The following SLC9A6 variants were observed in gnomAD, a reference collection of about 807,000 sequenced individuals.
The protein encoded by SLC9A6 is sodium/hydrogen exchanger 6.
SLC9A6 carries 6 observed loss-of-function variants against 45.3 expected under a neutral mutation model. That is an observed-to-expected ratio of 0.13 (90% CI 0.07 to 0.26). The LOEUF is 0.26. SLC9A6 is among the 10% of genes least tolerant of loss of function. SLC9A6 has a pLI of 1.00. For synonymous variants in SLC9A6, 191 were observed against 187.7 expected (o/e 1.02, Z -0.14); for missense variants, 278 against 503.7 (o/e 0.55, Z 4.29).
chrX:135,999,008 A>G (rs782685919), intron 6 of SLC9A6, 40 bp downstream of exon 6: 131 of 860,173 alleles, frequency 1.5e-4, no homozygotes, highest in Non-Finnish European at 2.1e-4. Context: ...CTTGAGGTGC[A>G]TTGTTTTGCA....
rs782759328 is a variant in SLC9A6 at position 136,044,375 on chromosome X, A to C, written c.1768-77A>C. 285 of 896,838 alleles carry C rather than the reference A, an allele frequency of 3.2e-4. No homozygotes were observed. In the African/African-American group the frequency reaches 5.2e-3, roughly 16 times the overall value. The allele number at this position is 896,838 out of a possible 1,213,427, so 73.9% of individuals were successfully genotyped here. ...TACCACTTAAGGGTTTTAATGGGGG[A>C]TCCTCGAAAATACTCCTATTGGAAA... On this transcript the variant is annotated intron_variant, in intron 17 of 17. Transcript: ENST00000630721.
chrX:135,997,253 G>A (rs1171455077), intron 3 of SLC9A6, among the ~76,000 whole-genome samples: 2 of 108,523 alleles, frequency 1.8e-5, no homozygotes, highest in East Asian at 2.9e-4. Context: ...ATGGGGTTTT[G>A]CCATGTCGGT....
rs782192196 is a variant in SLC9A6 at position 135,994,961 on chromosome X, T to C, written c.345T>C (p.Val115=). 8.4e-7 allele frequency: 1 copy of C among 1,194,750 alleles called. No homozygotes were observed. Among genetic ancestry groups the C allele is most frequent in the East Asian group, 3.0e-5 (1 of 33,758 alleles). The change falls in exon 3 of 18, where the codon GTT becomes GTC. Residue 115 remains valine (V), a synonymous_variant. Coordinates refer to ENST00000630721, the MANE Select transcript of SLC9A6 (RefSeq NM_001379110.1). Reference sequence around the variant, plus strand: ...TTAGTTCACATGAACTCAATAATGTTCAAGATAATGAAATGCTTAGAAAGG... The same window carrying C: ...TTAGTTCACATGAACTCAATAATGTCCAAGATAATGAAATGCTTAGAAAGG... ...GEISSHELNN[V]QDNEMLRKVT...
At chrX:135,987,275 A>G (rs1556615083) in intron 2 of SLC9A6, among the ~76,000 whole-genome samples, 1 of 112,302 alleles carries the variant, frequency 8.9e-6, no homozygotes, top group Non-Finnish European at 1.9e-5. Context: ...ATATATTTCT[A>G]TATAATTTTC....
intron 2 of SLC9A6, among the ~76,000 whole-genome samples, chrX:135,992,593 G>A (rs2089449645): frequency 8.9e-6 from 1 of 111,745 alleles, no homozygotes; most frequent in Non-Finnish European, 1.9e-5. Flanking sequence ...GGGCTGTGTT[G>A]TCTCCATCCT....
chrX:136,036,604 C>T (rs1335638638), intron 16 of SLC9A6, among the ~76,000 whole-genome samples: 1 of 112,705 alleles, frequency 8.9e-6, no homozygotes, highest in Non-Finnish European at 1.9e-5. Context: ...GCCCCAACCT[C>T]CTGGGCTCAG....
At chrX:136,025,787 G>C (rs1409621905) in intron 13 of SLC9A6, among the ~76,000 whole-genome samples, 2 of 111,611 alleles carry the variant, frequency 1.8e-5, no homozygotes, top group Non-Finnish European at 3.8e-5. Flanking sequence ...TTAAATGGCA[G>C]GCAGAGGAGC....
At chrX:136,043,767 T>C (rs1003150447) in intron 17 of SLC9A6, among the ~76,000 whole-genome samples, 2 of 112,584 alleles carry the variant, frequency 1.8e-5, no homozygotes, top group Admixed American at 1.9e-4. Context: ...CCTGATTCTT[T>C]TCCCTTTTGT....
At chrX:135,974,084 G>A (rs2089241431), upstream of SLC9A6, 1 of 141,525 alleles carries the variant, frequency 7.1e-6, no homozygotes, top group South Asian at 5.6e-5. Flanking sequence ...GGCGAGGGGC[G>A]GGGTAGGCAG....
intron 3 of SLC9A6, among the ~76,000 whole-genome samples, chrX:135,996,944 T>C (rs1556616611): frequency 9.1e-6 from 1 of 110,457 alleles, no homozygotes; most frequent in Non-Finnish European, 1.9e-5. Flanking sequence ...TTTTTTGTAT[T>C]TTTAATAGAG....
chrX:136,003,558 CAAAA>C (rs2089612599), intron 7 of SLC9A6, among the ~76,000 whole-genome samples: 1 of 111,798 alleles, frequency 8.9e-6, no homozygotes, highest in African/African-American at 3.3e-5. Context: ...TTTGCTGTCC[CAAAA>C]GGTGCTGCAG....
At chrX:135,988,473 T>TTTTCTTTCTTTCTTTCTTTC (rs781937749) in intron 2 of SLC9A6, among the ~76,000 whole-genome samples, 5 of 106,880 alleles carry the variant, frequency 4.7e-5, no homozygotes, top group African/African-American at 1.7e-4. Flanking sequence ...TCTTTCTTTC[T>TTTTCTTTCTTTCTTTCTTTC]TTTCTTTCTT....
chrX:136,030,454 C>G (rs782286720), intron 15 of SLC9A6: 1 of 325,108 alleles, frequency 3.1e-6, no homozygotes, highest in East Asian at 5.6e-5. Context: ...CCTGGGTTTT[C>G]GAGTGACTCC....
At chrX:135,997,925 C>T (rs1378993583) in intron 3 of SLC9A6, among the ~76,000 whole-genome samples, 183 bp from the exon 4 acceptor site, 12 of 111,885 alleles carry the variant, frequency 1.1e-4, no homozygotes, top group African/African-American at 3.9e-4. Flanking sequence ...CCAATGCTAT[C>T]TCCTGGTCGT....
At chrX:135,987,780 T>G (rs1556615140) in intron 2 of SLC9A6, among the ~76,000 whole-genome samples, 1 of 111,247 alleles carries the variant, frequency 9.0e-6, no homozygotes, top group Non-Finnish European at 1.9e-5. Flanking sequence ...CCCGTCACAC[T>G]CTGCCCATAG....
At chrX:135,998,009 G>A in intron 3 of SLC9A6, 99 bp from the exon 4 acceptor site, 2 of 518,289 alleles carry the variant, frequency 3.9e-6, no homozygotes, top group Admixed American at 5.4e-5. Flanking sequence ...TCTTGCCTTT[G>A]ACTAGTTTAA....
intron 11 of SLC9A6, among the ~76,000 whole-genome samples, chrX:136,017,334 C>T (rs1556619401): frequency 9.1e-6 from 1 of 109,393 alleles, no homozygotes; most frequent in Non-Finnish European, 1.9e-5. Context: ...GGAAGGATCC[C>T]TTGAGCCTAG....
chrX:135,982,020 A>C (rs2089287580), upstream of SLC9A6, among the ~76,000 whole-genome samples: 2 of 112,770 alleles, frequency 1.8e-5, no homozygotes, highest in South Asian at 7.2e-4. Flanking sequence ...TTATTGATGG[A>C]CACAGAAATT....
chrX:136,033,385 A>T (rs1556621381), intron 15 of SLC9A6, 29 bp from the exon 16 acceptor site: 1 of 940,502 alleles, frequency 1.1e-6, no homozygotes, highest in Admixed American at 2.2e-5. Flanking sequence ...CTTTGTATAG[A>T]TATTGATTTC....
Sources: allele counts gnomAD v4.1 joint callset (sites outside exome capture counted in the v4.1 genomes callset), GRCh38; gene constraint gnomAD v4.1.1; transcripts MANE v1.5; gene names NCBI Gene and HGNC (gene_info 2026-07-23, HGNC 2026-07-21).